RDH13: variants seen among roughly 807,000 people sequenced by gnomAD.
RDH13 encodes the protein retinol dehydrogenase 13 (all-trans and 9-cis).
In RDH13, 35 loss-of-function variants were observed where a neutral mutation model predicts 28.3. The ratio of observed to expected loss-of-function variants is 1.24; its 90% CI spans 0.95 to 1.64. The LOEUF is 1.64. Among genes scored for constraint, RDH13 ranks in the 40% most tolerant of loss-of-function variants. The pLI is 0.00. For missense variants in RDH13, 514 were observed against 446.3 expected, an observed-to-expected ratio of 1.15 and a Z score of -1.37; for synonymous variants, 229 against 198.5, an observed-to-expected ratio of 1.15 and a Z score of -1.29.
intron 3 of RDH13, chr19:55,050,854 G>A (rs967199937): frequency 6.6e-6 from 1 of 151,914 alleles, no homozygotes; most frequent in Non-Finnish European, 1.5e-5. Context: ...ACACCATCTG[G>A]TTCTCTGTGT....
intron 2 of RDH13, among the ~76,000 whole-genome samples, 172 bp from the exon 3 acceptor site, chr19:55,056,980 GACA>G (rs1457268681): frequency 2.6e-5 from 4 of 152,162 alleles, no homozygotes; most frequent in Non-Finnish European, 5.9e-5. Context: ...TGGATGAAGG[GACA>G]ACAAAATGTG....
chr19:55,064,648 G>T (rs796486013), upstream of RDH13, among the ~76,000 whole-genome samples: 4 of 151,214 alleles, frequency 2.6e-5, no homozygotes, highest in African/African-American at 9.7e-5. Flanking sequence ...CAGTCTCACT[G>T]TGTCACCCAG....
chr19:55,066,609 CCT>C (rs1431271300), upstream of RDH13, among the ~76,000 whole-genome samples: 2 of 148,832 alleles, frequency 1.3e-5, no homozygotes, highest in African/African-American at 5.0e-5. Flanking sequence ...CTTTTTTCTT[CCT>C]CTCTTCTTGT....
Position 55,045,206 on chromosome 19 carries a change from G to C in RDH13, c.864C>G (p.Phe288Leu), listed in dbSNP as rs56125820. ...EELADVSGKY[F>L]DGLKQKAPAP... ...CCGGGGCCTTCTGTTTGAGTCCATCGAAGTACTTTCCGGAAACATCCGCCA... is the reference window on the plus strand; with the variant it reads ...CCGGGGCCTTCTGTTTGAGTCCATCCAAGTACTTTCCGGAAACATCCGCCA... Residue 288 changes from phenylalanine to leucine, a missense_variant, in exon 7 of 7, where the codon TTC (phenylalanine) becomes TTG (leucine). Coordinates refer to ENST00000415061, the MANE Select transcript of RDH13 (RefSeq NM_001145971.2). 14,623 of 1,613,564 alleles carry C rather than the reference G, an allele frequency of 9.1e-3. 91 individuals are homozygous for C. Among genetic ancestry groups the C allele is most frequent in the Middle Eastern group, 0.015 (90 of 6,062 alleles).
chr19:55,044,730 T>C lies in RDH13; in HGVS notation c.*344A>G, dbSNP rs907376070. 6.1e-6 allele frequency: 2 copies of C among 328,006 alleles called. No individual in the cohort carries two copies. The highest frequency in any genetic ancestry group is 2.1e-5 in the African/African-American group (1 of 47,306). The allele number at this position is 328,006 out of a possible 1,614,324, so 20.3% of individuals were successfully genotyped here. On this transcript the variant is annotated 3_prime_UTR_variant, in exon 7 of 7. Coordinates refer to ENST00000415061, the MANE Select transcript of RDH13 (RefSeq NM_001145971.2). ...TTGCCCATGCTCTTCACGGAGCACC[T>C]TGGAACCCTCCCCGACAGGCACCGC...
chr19:55,056,587 T>A, intron 3 of RDH13, 66 bp downstream of exon 3: 1 of 1,571,512 alleles, frequency 6.4e-7, no homozygotes, highest in Non-Finnish European at 8.7e-7. Flanking sequence ...TTCATTCACT[T>A]CTCAGAGCCT....
upstream of RDH13, chr19:55,067,693 C>G (rs1018837362): frequency 6.6e-6 from 1 of 152,188 alleles, no homozygotes; most frequent in Non-Finnish European, 1.5e-5. Context: ...TTCTTCTTTT[C>G]TGGCTGAGAT....
intron 3 of RDH13, among the ~76,000 whole-genome samples, chr19:55,050,539 C>T (rs531488067): frequency 4.6e-5 from 7 of 152,292 alleles, no homozygotes; most frequent in African/African-American, 1.7e-4. Flanking sequence ...TCTTCTTGCT[C>T]AGCCTCCCAA....
chr19:55,051,295 C>T (rs1456319171), intron 3 of RDH13, among the ~76,000 whole-genome samples: 3 of 152,152 alleles, frequency 2.0e-5, no homozygotes, highest in Non-Finnish European at 2.9e-5. Flanking sequence ...GGCCCACGTG[C>T]GGAGACCCAG....
rs114762129 is a variant in RDH13, at chr19:55,048,788, G to A, written c.341-25C>T. ...TCTGGAAGAGAGGGGTGGAGGAGGAGACATCCCGGTGAGGACAGACCCCAG... is the reference window on the plus strand; with the variant it reads ...TCTGGAAGAGAGGGGTGGAGGAGGAAACATCCCGGTGAGGACAGACCCCAG... On this transcript the variant is annotated intron_variant, in intron 3 of 6. Transcript: ENST00000415061. 7.0e-4 allele frequency: 1,115 copies of A among 1,593,112 alleles called. 9 individuals carry two copies. In the African/African-American group the frequency reaches 0.013, roughly 19 times the overall value.
chr19:55,052,954 G>A (rs565648143), intron 3 of RDH13, among the ~76,000 whole-genome samples: 1 of 152,134 alleles, frequency 6.6e-6, no homozygotes, highest in East Asian at 1.9e-4. Context: ...GAGCCTGCAC[G>A]CCTGCCTGAT....
chr19:55,044,003 GCCTCCCA>G (rs1433205003), downstream of RDH13: 3 of 150,504 alleles, frequency 2.0e-5, no homozygotes, highest in Non-Finnish European at 4.4e-5. Context: ...TGCAATCTCC[GCCTCCCA>G]GCTTCACACC....
In RDH13 at chr19:55,056,085, C is replaced by G. The variant is rs368321288; in HGVS notation, c.340+568G>C. Among the ~76,000 whole-genome samples the G allele has an allele frequency of 5.3e-4, 80 of 151,758 alleles. 2 individuals are homozygous for G. The South Asian group carries it at 0.016, about 30-fold the overall frequency. ...AGGAGAATCATTTGAAATCGGGAGACGGAGGTTGCAGTGAGGCAAGATCAC... is the reference window on the plus strand; with the variant it reads ...AGGAGAATCATTTGAAATCGGGAGAGGGAGGTTGCAGTGAGGCAAGATCAC... On this transcript the variant is annotated intron_variant, in intron 3 of 6. Transcript: ENST00000415061.
chr19:55,052,945 A>AGCCACCACGCCTGCAC (rs143100180), intron 3 of RDH13, among the ~76,000 whole-genome samples: 2 of 151,116 alleles, frequency 1.3e-5, no homozygotes, highest in South Asian at 2.1e-4. Context: ...TACAGGCGTG[A>AGCCACCACGCCTGCAC]GCCTGCACGC....
upstream of RDH13, chr19:55,063,637 T>C (rs1014276800): frequency 2.0e-5 from 3 of 150,760 alleles, no homozygotes; most frequent in African/African-American, 7.5e-5. Flanking sequence ...GGGCCTGGAC[T>C]CCTGGGTCCA....
chr19:55,041,719 C>T (rs149485513), downstream of RDH13: 2 of 152,342 alleles, frequency 1.3e-5, no homozygotes, highest in Non-Finnish European at 1.5e-5. Flanking sequence ...GACGACTCCG[C>T]GGCAGGCAGC....
At position 55,054,735 on chromosome 19, in the gene RDH13, A is replaced by ATT. The variant is rs61279685; in HGVS notation, c.340+1916_340+1917dup. Among the ~76,000 whole-genome samples the ATT allele has an allele frequency of 6.6e-3, 979 of 147,662 alleles. 5 individuals are homozygous for ATT. Among genetic ancestry groups the ATT allele is most frequent in the African/African-American group, 0.015 (624 of 40,258 alleles). On this transcript the variant is annotated intron_variant, in intron 3 of 6. Transcript: ENST00000415061. ...AGGCACATGCCAGGATGCCCGGCTA[A>ATT]TTTTTTTTTTTTTTTAATCTTTGGT...
At chr19:55,066,908 A>G (rs976281122), upstream of RDH13, among the ~76,000 whole-genome samples, 2 of 152,114 alleles carry the variant, frequency 1.3e-5, no homozygotes, top group South Asian at 4.1e-4. Context: ...CAGCCCAAGC[A>G]CTGCCCCAGC....
chr19:55,047,866 C>G (rs1004026533), intron 5 of RDH13: 1 of 486,882 alleles, frequency 2.1e-6, no homozygotes, highest in Non-Finnish European at 3.7e-6. Context: ...TCAATCTCAG[C>G]ACTGTGGATG....
Sources: allele counts gnomAD v4.1 joint callset (sites outside exome capture counted in the v4.1 genomes callset), GRCh38; gene constraint gnomAD v4.1.1; transcripts MANE v1.5; gene names NCBI Gene and HGNC (gene_info 2026-07-23, HGNC 2026-07-21).